Variants in EEFSEC observed in about 807,000 individuals in gnomAD.
EEFSEC encodes eukaryotic elongation factor, selenocysteine-tRNA specific.
EEFSEC carries 43 observed loss-of-function variants against 42.1 expected under a neutral mutation model. The ratio of observed to expected loss-of-function variants is 1.02; its 90% CI spans 0.80 to 1.32. The LOEUF (loss-of-function observed/expected upper bound fraction) is 1.32. Among genes scored for constraint, EEFSEC ranks in the 40% most tolerant of loss-of-function variants. EEFSEC has a pLI of 0.00. For synonymous variants in EEFSEC, 354 were observed against 339.1 expected (o/e 1.04, Z -0.48); for missense variants, 745 against 803.6 (o/e 0.93, Z 0.88).
At chr3:128,246,796 A>G (rs1467730068) in intron 1 of EEFSEC, 40 bp from the exon 2 acceptor site, 1 of 1,606,416 alleles carries the variant, frequency 6.2e-7, no homozygotes, top group Non-Finnish European at 8.5e-7. Context: ...GGGGCTCACC[A>G]CCCCTTTTCC....
At chr3:128,246,230 GCACA>G (rs10546350) in intron 1 of EEFSEC, among the ~76,000 whole-genome samples, 64 of 149,176 alleles carry the variant, frequency 4.3e-4, no homozygotes, top group Admixed American at 6.7e-4. Context: ...AAGCGTGCAC[GCACA>G]CACACACACA....
chr3:128,155,455 A>G (rs1030835656), intron 1 of EEFSEC, among the ~76,000 whole-genome samples: 30 of 152,228 alleles, frequency 2.0e-4, no homozygotes, highest in Admixed American at 1.8e-3. Flanking sequence ...TTCCAGACCC[A>G]TTTAACTCCA....
intron 5 of EEFSEC, among the ~76,000 whole-genome samples, chr3:128,342,839 C>T (rs996056195): frequency 1.3e-5 from 2 of 152,376 alleles, no homozygotes; most frequent in South Asian, 4.1e-4. Flanking sequence ...CATGGGGCAT[C>T]CATCCCCAGC....
intron 6 of EEFSEC, among the ~76,000 whole-genome samples, chr3:128,397,918 G>A (rs1189920200): frequency 6.6e-6 from 1 of 152,226 alleles, no homozygotes; most frequent in East Asian, 1.9e-4. Context: ...AGTCTGTGCA[G>A]TCCAGTTCTC....
chr3:128,216,710 G>C (rs944676270), intron 1 of EEFSEC, among the ~76,000 whole-genome samples: 6 of 152,268 alleles, frequency 3.9e-5, no homozygotes, highest in African/African-American at 1.2e-4. Context: ...CCTCAGGGGA[G>C]CCCTGTTGGC....
At chr3:128,309,332 G>A (rs1285134517) in intron 4 of EEFSEC, among the ~76,000 whole-genome samples, 1 of 152,172 alleles carries the variant, frequency 6.6e-6, no homozygotes, top group East Asian at 1.9e-4. Flanking sequence ...CTGGCGTTTG[G>A]AGTTAGAGGA....
chr3:128,210,465 A>G (rs111690355), intron 1 of EEFSEC, among the ~76,000 whole-genome samples: 31 of 152,330 alleles, frequency 2.0e-4, no homozygotes, highest in African/African-American at 6.5e-4. Context: ...TGCATGACCC[A>G]TGGCTTCACC....
intron 6 of EEFSEC, chr3:128,367,588 C>T (rs1334429288): frequency 3.1e-6 from 3 of 969,856 alleles, no homozygotes; most frequent in Non-Finnish European, 3.7e-6. Flanking sequence ...TTCCACAAGG[C>T]CTACCTCAGG....
At chr3:128,256,391 A>G (rs796350529) in intron 2 of EEFSEC, among the ~76,000 whole-genome samples, 5 of 152,372 alleles carry the variant, frequency 3.3e-5, no homozygotes, top group African/African-American at 1.2e-4. Context: ...AAAATGACAC[A>G]TTCATGCCTT....
intron 6 of EEFSEC, among the ~76,000 whole-genome samples, chr3:128,360,124 C>T (rs1196826957): frequency 6.6e-6 from 1 of 152,228 alleles, no homozygotes; most frequent in Non-Finnish European, 1.5e-5. Flanking sequence ...GGGAGGCCTC[C>T]AGCGGTGAAG....
intron 4 of EEFSEC, among the ~76,000 whole-genome samples, chr3:128,322,713 C>T (rs1299375063): frequency 1.3e-5 from 2 of 152,238 alleles, no homozygotes; most frequent in Non-Finnish European, 2.9e-5. Context: ...TGGTCACCTT[C>T]CCTGGGCCCT....
rs544445173 is a variant in EEFSEC, at chr3:128,367,605, G to A, written c.1600+9232G>A. The A allele has an allele frequency of 3.2e-5, 31 of 981,882 alleles. No individual in the cohort carries two copies. The South Asian group carries it at 9.4e-4, about 30-fold the overall frequency. The allele number at this position is 981,882 out of a possible 1,614,324, so 60.8% of individuals were successfully genotyped here. A position where few individuals can be genotyped will look rare whatever the true frequency, so the allele number is the denominator to read the frequency against. ...CCACAAGGCCTACCTCAGGGATGCCGTGAGACTGCAACATTGCTGCACCCC... is the reference window on the plus strand; with the variant it reads ...CCACAAGGCCTACCTCAGGGATGCCATGAGACTGCAACATTGCTGCACCCC... On this transcript the variant is annotated intron_variant, in intron 6 of 6. Transcript: ENST00000254730.
At chr3:128,227,554 A>G (rs1008297643) in intron 1 of EEFSEC, among the ~76,000 whole-genome samples, 28 of 152,088 alleles carry the variant, frequency 1.8e-4, no homozygotes, top group Non-Finnish European at 2.9e-4. Context: ...TGGCTTGGGG[A>G]CCCATTTCTA....
chr3:128,270,290 G>T (rs1229318720), intron 4 of EEFSEC, among the ~76,000 whole-genome samples: 1 of 152,220 alleles, frequency 6.6e-6, no homozygotes, highest in African/African-American at 2.4e-5. Flanking sequence ...CTTCCTGGGT[G>T]TAAGGTCCTG....
intron 1 of EEFSEC, among the ~76,000 whole-genome samples, chr3:128,219,785 AAG>A (rs1222588852): frequency 1.3e-5 from 2 of 152,074 alleles, no homozygotes; most frequent in East Asian, 3.9e-4. Flanking sequence ...AAAAAAAAAA[AAG>A]AAAAAAACTC....
chr3:128,270,656 T>A (rs1273110159), intron 4 of EEFSEC, among the ~76,000 whole-genome samples: 1 of 152,222 alleles, frequency 6.6e-6, no homozygotes, highest in African/African-American at 2.4e-5. Context: ...CTGGAAAGAA[T>A]CCATTTTCTT....
In EEFSEC at chr3:128,259,607, A is replaced by G. The variant is rs150738885; in HGVS notation, c.525-2521A>G. ...CACTATCTAATTCCAGAACATTTTC[A>G]TTACCCCAACAGGAAATTGTATTCA... is the stretch of plus-strand genomic sequence containing the variant. On this transcript the variant is annotated intron_variant, in intron 2 of 6. Coordinates refer to ENST00000254730, the MANE Select transcript of EEFSEC (RefSeq NM_021937.5). Among the ~76,000 whole-genome samples, 24 of 152,322 alleles carry G rather than the reference A, an allele frequency of 1.6e-4. No homozygotes were observed. In the East Asian group the frequency reaches 4.6e-3, roughly 29 times the overall value.
chr3:128,183,714 C>T (rs927814467), intron 1 of EEFSEC, among the ~76,000 whole-genome samples: 1 of 152,180 alleles, frequency 6.6e-6, no homozygotes, highest in Non-Finnish European at 1.5e-5. Flanking sequence ...GATAGCGGGT[C>T]CTCAGTTGAT....
chr3:128,273,955 C>G (rs1384914584), intron 4 of EEFSEC, among the ~76,000 whole-genome samples: 2 of 152,204 alleles, frequency 1.3e-5, no homozygotes, highest in African/African-American at 4.8e-5. Context: ...CCAGGTTGAC[C>G]TGCAGCCTCC....
Sources: allele counts gnomAD v4.1 joint callset (sites outside exome capture counted in the v4.1 genomes callset), GRCh38; gene constraint gnomAD v4.1.1; transcripts MANE v1.5; gene names NCBI Gene and HGNC (gene_info 2026-07-23, HGNC 2026-07-21).